MITF: variants seen among roughly 807,000 people sequenced by gnomAD.
MITF encodes the protein microphthalmia-associated transcription factor.
In MITF, 17 loss-of-function variants were observed where a neutral mutation model predicts 60.5. The ratio of observed to expected loss-of-function variants is 0.28; its 90% confidence interval spans 0.19 to 0.42. The LOEUF is 0.42. Ranked by LOEUF, MITF falls within the 10% of genes least tolerant of loss-of-function variation. The pLI is 1.00. For missense variants in MITF, 622 were observed against 683.5 expected, an observed-to-expected ratio of 0.91 and a Z score of 1.00; for synonymous variants, 260 against 248.5, an observed-to-expected ratio of 1.05 and a Z score of -0.43.
At chr3:69,963,475 T>C (rs1285608477) in intron 9 of MITF, among the ~76,000 whole-genome samples, 5 of 152,358 alleles carry the variant, frequency 3.3e-5, no homozygotes, top group African/African-American at 1.2e-4. Flanking sequence ...GAACAACTTA[T>C]TAAGTATTTA....
At position 69,965,035 on chromosome 3, in the gene MITF, C is replaced by T. The variant is rs2066651977; in HGVS notation, c.1368C>T (p.Thr456=). Residue 456 remains threonine, a synonymous_variant, in exon 10 of 10, where the codon ACC becomes ACT. Transcript: ENST00000352241. ...TCGATCTCACGGATGGCACCATCAC[C>T]TTCAACAACAACCTCGGAACTGGGA... ...TTLDLTDGTI[T]FNNNLGTGTE... is the part of the protein sequence containing the mutation. The T allele has an allele frequency of 6.2e-7, 1 of 1,613,986 alleles. No homozygotes were observed. Among genetic ancestry groups the T allele is most frequent in the African/African-American group, 1.3e-5 (1 of 74,902 alleles).
chr3:69,930,027 G>A (rs944488700), intron 2 of MITF, among the ~76,000 whole-genome samples: 10 of 152,118 alleles, frequency 6.6e-5, no homozygotes, highest in Admixed American at 6.5e-5. Flanking sequence ...AATTTTCTAT[G>A]TTTCAACCTA....
chr3:69,874,493 A>G (rs530281255), intron 1 of MITF, among the ~76,000 whole-genome samples: 4 of 152,338 alleles, frequency 2.6e-5, no homozygotes, highest in African/African-American at 9.6e-5. Context: ...TTTTCTATCT[A>G]TTAAAAATTT....
chr3:69,926,086 G>A (rs1193222047), intron 2 of MITF, among the ~76,000 whole-genome samples: 1 of 152,182 alleles, frequency 6.6e-6, no homozygotes, highest in East Asian at 1.9e-4. Context: ...AAGTGGGGAT[G>A]GTTACATTAA....
chr3:69,892,899 T>C (rs2064791216), intron 2 of MITF, among the ~76,000 whole-genome samples: 1 of 152,232 alleles, frequency 6.6e-6, no homozygotes, highest in South Asian at 2.1e-4. Context: ...TTTCTTTTTT[T>C]GTATTGGTTT....
chr3:69,878,963 C>T lies in MITF; in HGVS notation c.105-171C>T, dbSNP rs867219978. On this transcript the variant is annotated intron_variant, in intron 1 of 9. Transcript: ENST00000352241. ...CTTATTTTAATTCAACTACTAATGA[C>T]TTAAATCCTGTCACCTCTTGATTTT... 27 of 641,198 alleles carry T rather than the reference C, an allele frequency of 4.2e-5. No homozygotes were observed. In the African/African-American group the frequency reaches 4.5e-4, roughly 11 times the overall value. 39.7% of individuals were successfully genotyped at this position (641,198 alleles called of 1,614,324 possible).
chr3:69,796,874 C>T (rs1271062922), intron 1 of MITF, among the ~76,000 whole-genome samples: 1 of 152,138 alleles, frequency 6.6e-6, no homozygotes, highest in East Asian at 1.9e-4. Context: ...TTTCAAAATA[C>T]TTGAGCAAAT....
intron 3 of MITF, chr3:69,938,803 T>C (rs919091261): frequency 7.2e-7 from 1 of 1,383,966 alleles, no homozygotes; most frequent in African/African-American, 1.5e-5. Context: ...ATGAAGTGTT[T>C]ATGCAAATTC....
chr3:69,907,257 T>A (rs1284869835), intron 2 of MITF, among the ~76,000 whole-genome samples: 1 of 152,200 alleles, frequency 6.6e-6, no homozygotes, highest in African/African-American at 2.4e-5. Flanking sequence ...AAAACTTTCC[T>A]GTCTATGATT....
rs138179051 is a variant in MITF at position 69,952,085 on chromosome 3, A to G, written c.955+199A>G. ...TCTCAGATCAAATTGAATTTTGTAT[A>G]TATACTTATTTTCAGTTTCTGAAGA... is the stretch of plus-strand genomic sequence containing the variant. On this transcript the variant is annotated intron_variant, in intron 7 of 9. Transcript: ENST00000352241. Among the ~76,000 whole-genome samples, 4 of 152,296 alleles carry G rather than the reference A, an allele frequency of 2.6e-5. No homozygotes were observed. In the East Asian group the frequency reaches 7.7e-4, roughly 29 times the overall value.
chr3:69,882,366 A>G (rs912875519), intron 2 of MITF, among the ~76,000 whole-genome samples: 6 of 152,014 alleles, frequency 3.9e-5, no homozygotes, highest in Non-Finnish European at 7.4e-5. Flanking sequence ...ATTTTTGGGG[A>G]CATGGAATCA....
At chr3:69,778,691 A>G (rs2062515158) in intron 1 of MITF, 2 of 152,202 alleles carry the variant, frequency 1.3e-5, no homozygotes, top group South Asian at 4.1e-4. Context: ...GTGTGCTTAA[A>G]GTTTGACTAT....
At chr3:69,799,493 T>C (rs2062882793) in intron 1 of MITF, among the ~76,000 whole-genome samples, 1 of 152,212 alleles carries the variant, frequency 6.6e-6, no homozygotes, top group African/African-American at 2.4e-5. Context: ...ATTTACAATA[T>C]TCTTTTTACC....
chr3:69,870,917 T>C (rs922906735), intron 1 of MITF, among the ~76,000 whole-genome samples: 3 of 152,094 alleles, frequency 2.0e-5, no homozygotes, highest in East Asian at 1.9e-4. Context: ...TTTGACTTTT[T>C]CCCCAGTATT....
At chr3:69,858,250 G>A (rs77458651) in intron 1 of MITF, among the ~76,000 whole-genome samples, 14,211 of 152,072 alleles carry the variant, frequency 0.093, 867 homozygotes, top group Non-Finnish European at 0.12. Context: ...AAGCTAATGT[G>A]CATTGAGTTT....
At chr3:69,763,886 T>C (rs1222118064) in intron 1 of MITF, 4 of 1,379,304 alleles carry the variant, frequency 2.9e-6, no homozygotes, top group Non-Finnish European at 3.9e-6. Context: ...CACGAGCTAT[T>C]TTCTCTCTCT....
chr3:69,777,195 GTCA>G (rs2062488230), intron 1 of MITF, among the ~76,000 whole-genome samples: 1 of 152,076 alleles, frequency 6.6e-6, no homozygotes, highest in African/African-American at 2.4e-5. Context: ...AAATTAAAAA[GTCA>G]TCATATAAAC....
At chr3:69,883,561 G>A (rs998102644) in intron 2 of MITF, among the ~76,000 whole-genome samples, 17 of 152,212 alleles carry the variant, frequency 1.1e-4, no homozygotes, top group African/African-American at 4.1e-4. Context: ...ATGAAAATGT[G>A]TGTGGAGTTA....
intron 1 of MITF, among the ~76,000 whole-genome samples, chr3:69,763,061 G>A (rs760237141): frequency 4.6e-5 from 7 of 152,112 alleles, no homozygotes; most frequent in Non-Finnish European, 1.0e-4. Context: ...TCAGAACAGG[G>A]GGCATAAACA....
Sources: allele counts gnomAD v4.1 joint callset (sites outside exome capture counted in the v4.1 genomes callset), GRCh38; gene constraint gnomAD v4.1.1; transcripts MANE v1.5; gene names NCBI Gene and HGNC (gene_info 2026-07-23, HGNC 2026-07-21).